The following SETX variants were observed in gnomAD, a reference collection of about 807,000 sequenced individuals.
SETX encodes senataxin, also known as helicase senataxin.
SETX carries 90 observed loss-of-function variants against 227.2 expected under a neutral mutation model. That is an observed-to-expected ratio of 0.40 (90% CI 0.33 to 0.47). SETX has a LOEUF of 0.47. Among genes scored for constraint, SETX ranks in the 20% least tolerant of loss-of-function variants. SETX has a pLI of 0.91. For synonymous variants in SETX, 1,210 were observed against 1,113.2 expected (o/e 1.09, Z -1.73); for missense variants, 3,052 against 3,181.5 (o/e 0.96, Z 0.98).
intron 12 of SETX, among the ~76,000 whole-genome samples, chr9:132,299,275 T>G (rs564293599): frequency 7.2e-5 from 11 of 152,324 alleles, no homozygotes; most frequent in Admixed American, 3.3e-4. Flanking sequence ...AAATCAAGTG[T>G]TAACTTTTGG....
chr9:132,353,724 T>C lies in SETX; in HGVS notation c.-83A>G, dbSNP rs1848724439. On this transcript the variant is annotated 5_prime_UTR_variant, in exon 2 of 26. The change creates a new upstream start codon in the 5' untranslated region. Transcript: ENST00000224140. ...GAACAAACACGGATTTGCATTCATATATGCCCAGACTCTGGCCCCAAAAGA... is the reference window on the plus strand; with the variant it reads ...GAACAAACACGGATTTGCATTCATACATGCCCAGACTCTGGCCCCAAAAGA... The C allele has an allele frequency of 6.6e-6, 1 of 152,222 alleles. No homozygotes were observed. Among genetic ancestry groups the C allele is most frequent in the Admixed American group, 6.5e-5 (1 of 15,282 alleles). 9.4% of individuals were successfully genotyped at this position (152,222 alleles called of 1,614,324 possible).
intron 13 of SETX, 103 bp from the exon 14 acceptor site, chr9:132,297,157 G>C: frequency 1.0e-6 from 1 of 965,170 alleles, no homozygotes; most frequent in Non-Finnish European, 1.6e-6. Flanking sequence ...CAATGCATGA[G>C]ACAAAAGCTT....
intron 19 of SETX, among the ~76,000 whole-genome samples, chr9:132,281,971 G>A (rs866122784): frequency 2.1e-5 from 3 of 143,054 alleles, no homozygotes; most frequent in Admixed American, 7.2e-5. Flanking sequence ...GCAGTGAGCC[G>A]AGATCACATC....
chr9:132,285,366 G>C (rs1417512512), intron 18 of SETX, among the ~76,000 whole-genome samples: 3 of 152,096 alleles, frequency 2.0e-5, no homozygotes, highest in African/African-American at 7.2e-5. Flanking sequence ...TTAGGTTAAA[G>C]AAAAAAATGC....
intron 15 of SETX, among the ~76,000 whole-genome samples, chr9:132,290,574 C>CA (rs59954158): frequency 0.038 from 1,677 of 44,352 alleles, 128 homozygotes; most frequent in African/African-American, 0.046. Context: ...GACTCCGTCT[C>CA]AAAAAAAAAA....
chr9:132,347,469 C>T (rs1312379516), intron 3 of SETX, among the ~76,000 whole-genome samples: 9 of 151,598 alleles, frequency 5.9e-5, no homozygotes, highest in Admixed American at 5.9e-4. Flanking sequence ...CCCACCACCA[C>T]GCCTGGCTAA....
At chr9:132,304,728 T>C (rs1307469176) in intron 11 of SETX, among the ~76,000 whole-genome samples, 1 of 152,058 alleles carries the variant, frequency 6.6e-6, no homozygotes, top group African/African-American at 2.4e-5. Context: ...CTGGGCGCAG[T>C]GGCTCGCGCC....
intron 19 of SETX, among the ~76,000 whole-genome samples, chr9:132,282,477 A>G (rs1322086829): frequency 6.6e-6 from 1 of 151,798 alleles, no homozygotes; most frequent in Non-Finnish European, 1.5e-5. Context: ...TTTAGTAGAG[A>G]CAAGGTTTCA....
chr9:132,350,480 A>G (rs1848545476), intron 2 of SETX, among the ~76,000 whole-genome samples: 2 of 152,228 alleles, frequency 1.3e-5, no homozygotes, highest in African/African-American at 2.4e-5. Context: ...AACAGGAAAT[A>G]TAAAACATCT....
Position 132,327,151 on chromosome 9 carries a change from C to T in SETX, c.4447G>A (p.Gly1483Arg), listed in dbSNP as rs1253355685. 4 of 1,614,000 alleles carry T rather than the reference C, an allele frequency of 2.5e-6. No individual in the cohort carries two copies. The highest frequency in any genetic ancestry group is 2.7e-5 in the African/African-American group (2 of 74,904). ...RHIEMAALKE[G>R]EPDSSSDAEE... ...GCATCACTGCTGGAGTCAGGCTCTC[C>T]TTCTTTCAAAGCTGCCATCTCTATA... is the stretch of plus-strand genomic sequence containing the variant. The change falls in exon 10 of 26, where the codon GGA (glycine) becomes AGA (arginine). Residue 1483 changes from glycine (G) to arginine (R), a missense_variant. Gly to Arg is a moderately radical substitution (Grantham distance 125). Coordinates refer to ENST00000224140, the MANE Select transcript of SETX (RefSeq NM_015046.7).
chr9:132,300,312 G>C lies in SETX; in HGVS notation c.5548+318C>G, dbSNP rs145857348. On this transcript the variant is annotated intron_variant, in intron 12 of 25. Coordinates refer to ENST00000224140, the MANE Select transcript of SETX (RefSeq NM_015046.7). Reference sequence around the variant, plus strand: ...AGTTTTATGTTTGGTCATCTCATTAGTAATTGGCCACAAAACCAAGGATGA... The same window carrying C: ...AGTTTTATGTTTGGTCATCTCATTACTAATTGGCCACAAAACCAAGGATGA... 1.2e-3 allele frequency among the ~76,000 whole-genome samples: 177 copies of C among 152,204 alleles called. 1 individual carries two copies. Among genetic ancestry groups the C allele is most frequent in the African/African-American group, 3.8e-3 (157 of 41,514 alleles).
chr9:132,321,803 G>A lies in SETX; in HGVS notation c.5274+4521C>T, dbSNP rs142848932. Among the ~76,000 whole-genome samples, 32 of 149,166 alleles carry A rather than the reference G, an allele frequency of 2.1e-4. No homozygotes were observed. In the East Asian group the frequency reaches 3.7e-3, roughly 17 times the overall value. On this transcript the variant is annotated intron_variant, in intron 10 of 25. Transcript: ENST00000224140. ...GCAGAGGTTGCGGTGAGCCGAGATC[G>A]TGCCACTGCACTCCAGCCTGGGCAA...
At chr9:132,335,560 T>C (rs1248293802) in intron 6 of SETX, among the ~76,000 whole-genome samples, 1 of 151,864 alleles carries the variant, frequency 6.6e-6, no homozygotes, top group Non-Finnish European at 1.5e-5. Context: ...TCACTGCAGC[T>C]TCAAATTCCT....
chr9:132,291,172 T>TC lies in SETX; in HGVS notation c.6107-2522_6107-2521insG, dbSNP rs1482289392. On this transcript the variant is annotated intron_variant, in intron 15 of 25. Coordinates refer to ENST00000224140, the MANE Select transcript of SETX (RefSeq NM_015046.7). The stretch of plus-strand genomic sequence containing the variant: ...GGGTTTGAAAACCTTTTTTTTTTTT[T>TC]TTTTTTTTTTTTGAGACGGAGTCTT... Among the ~76,000 whole-genome samples, 11 of 141,580 alleles carry TC rather than the reference T, an allele frequency of 7.8e-5. No homozygotes were observed. The South Asian group carries it at 2.2e-3, about 28-fold the overall frequency. 92.9% of individuals were successfully genotyped at this position (141,580 alleles called of 152,430 possible).
At chr9:132,348,267 G>A (rs1848405527) in intron 3 of SETX, among the ~76,000 whole-genome samples, 1 of 150,168 alleles carries the variant, frequency 6.7e-6, no homozygotes, top group Non-Finnish European at 1.5e-5. Context: ...GCTGAGGCAG[G>A]AGAATCGCTT....
intron 10 of SETX, among the ~76,000 whole-genome samples, chr9:132,324,069 T>C (rs1275564497): frequency 6.6e-6 from 1 of 152,210 alleles, no homozygotes; most frequent in African/African-American, 2.4e-5. Context: ...ATGGAACTTG[T>C]GCTCATTCTG....
chr9:132,302,577 T>G (rs867611864), intron 11 of SETX, among the ~76,000 whole-genome samples: 1 of 140,706 alleles, frequency 7.1e-6, no homozygotes, highest in Non-Finnish European at 1.5e-5. Flanking sequence ...GGAGAATCGC[T>G]TGAACCTGGG....
At chr9:132,348,684 G>A (rs925865309) in intron 3 of SETX, among the ~76,000 whole-genome samples, 1 of 151,988 alleles carries the variant, frequency 6.6e-6, no homozygotes, top group Non-Finnish European at 1.5e-5. Context: ...TTCCAACACT[G>A]GGGGGCCAAA....
At position 132,304,280 on chromosome 9, in the gene SETX, T is replaced by C. The variant is rs180996271; in HGVS notation, c.5375-3477A>G. Among the ~76,000 whole-genome samples, 27 of 152,200 alleles carry C rather than the reference T, an allele frequency of 1.8e-4. No individual in the cohort carries two copies. In the East Asian group the frequency reaches 4.8e-3, roughly 27 times the overall value. ...ACTGGCAGTACTTGAAACTCAAAGC[T>C]TCTGAGGGACAAGAGAAGAAGGGAG... On this transcript the variant is annotated intron_variant, in intron 11 of 25. Coordinates refer to ENST00000224140, the MANE Select transcript of SETX (RefSeq NM_015046.7).
Sources: gnomAD v4.1 joint callset for allele counts (sites outside exome capture counted in the v4.1 genomes callset) on GRCh38, gnomAD v4.1.1 for gene constraint, MANE v1.5 for transcripts, NCBI Gene and HGNC (gene_info 2026-07-23, HGNC 2026-07-21) for gene names.